The following NRP1 variants were observed in gnomAD, a reference collection of about 807,000 sequenced individuals.
NRP1 encodes neuropilin-1.
In NRP1, 35 loss-of-function variants were observed where a neutral mutation model predicts 106.7. That is an observed-to-expected ratio of 0.33 (90% CI 0.25 to 0.43). The LOEUF (loss-of-function observed/expected upper bound fraction) is 0.43, where lower values mean the gene tolerates loss of function less well. Ranked by LOEUF, NRP1 falls within the 20% of genes least tolerant of loss-of-function variation. The pLI is 1.00. For synonymous variants in NRP1, 437 were observed against 417.9 expected, an observed-to-expected ratio of 1.05 and a Z score of -0.56; for missense variants, 1,024 against 1,170.4, an observed-to-expected ratio of 0.87 and a Z score of 1.83.
intron 2 of NRP1, among the ~76,000 whole-genome samples, chr10:33,311,065 A>T (rs1174353746): frequency 6.6e-6 from 1 of 152,188 alleles, no homozygotes; most frequent in African/African-American, 2.4e-5. Flanking sequence ...GTTGATTGGG[A>T]CCTAGAATTA....
chr10:33,213,503 G>A lies in NRP1; in HGVS notation c.1497C>T (p.Ile499=), dbSNP rs371064398. 1.9e-6 allele frequency: 3 copies of A among 1,613,972 alleles called. No homozygotes were observed. The highest frequency in any genetic ancestry group is 2.2e-5 in the South Asian group (2 of 91,052). ...TCTCTCGGTGCTTCCCACCCTGAATGATGATGCCCCTCACGATCTTCTCCT... is the reference window on the plus strand; with the variant it reads ...TCTCTCGGTGCTTCCCACCCTGAATAATGATGCCCCTCACGATCTTCTCCT... ...LGEEKIVRGI[I]IQGGKHRENK... The change falls in exon 9 of 17, where the codon ATC becomes ATT. Residue 499 remains isoleucine (I), a synonymous_variant. Coordinates refer to ENST00000374867, the MANE Select transcript of NRP1 (RefSeq NM_003873.7).
chr10:33,281,395 G>C (rs974496139), intron 2 of NRP1, among the ~76,000 whole-genome samples: 12 of 151,798 alleles, frequency 7.9e-5, no homozygotes, highest in Non-Finnish European at 1.8e-4. Context: ...TTTTATCACA[G>C]TCATGCAGAG....
rs1320840221 is a variant in NRP1 at position 33,177,565 on chromosome 10, T to A, written c.*2511A>T. On this transcript the variant is annotated 3_prime_UTR_variant, in exon 17 of 17. Transcript: ENST00000374867. Reference sequence around the variant, plus strand: ...AGTAGTCATAGTTTGGAATTTAAGTTACAGTTCAGTTCTATGTGGTTTTTA... The same window carrying A: ...AGTAGTCATAGTTTGGAATTTAAGTAACAGTTCAGTTCTATGTGGTTTTTA... 6.6e-6 allele frequency: 1 copy of A among 152,660 alleles called. No individual in the cohort carries two copies. The highest frequency in any genetic ancestry group is 1.5e-5 in the Non-Finnish European group (1 of 68,030). The allele number at this position is 152,660 out of a possible 1,614,324, so 9.5% of individuals were successfully genotyped here. A position where few individuals can be genotyped will look rare whatever the true frequency, so the allele number is the denominator to read the frequency against.
intron 8 of NRP1, 159 bp from the exon 9 acceptor site, chr10:33,213,876 A>G: frequency 1.6e-6 from 1 of 633,978 alleles, no homozygotes; most frequent in Non-Finnish European, 2.6e-6. Flanking sequence ...TCCTCCCTCA[A>G]ACCTTCCTCC....
At chr10:33,299,386 A>G (rs2132689041) in intron 2 of NRP1, among the ~76,000 whole-genome samples, 1 of 152,156 alleles carries the variant, frequency 6.6e-6, no homozygotes, top group East Asian at 1.9e-4. Context: ...AATCTGTTGT[A>G]CTCCCCAGAA....
At chr10:33,332,517 T>G (rs759197173) in intron 1 of NRP1, among the ~76,000 whole-genome samples, 4 of 152,106 alleles carry the variant, frequency 2.6e-5, no homozygotes, top group Non-Finnish European at 5.9e-5. Context: ...CAGAAGACAT[T>G]TAGGTGGACT....
chr10:33,321,426 G>C (rs1193976451), intron 2 of NRP1, among the ~76,000 whole-genome samples: 2 of 152,170 alleles, frequency 1.3e-5, no homozygotes, highest in Non-Finnish European at 2.9e-5. Flanking sequence ...ATAAAACAGT[G>C]ATCTTAGTTA....
intron 5 of NRP1, among the ~76,000 whole-genome samples, chr10:33,254,860 A>C (rs1373920409): frequency 2.0e-5 from 3 of 152,228 alleles, no homozygotes; most frequent in African/African-American, 7.2e-5. Flanking sequence ...CACAACAGTG[A>C]GCATAAGAAT....
At chr10:33,255,703 C>T (rs950222358) in intron 5 of NRP1, among the ~76,000 whole-genome samples, 1 of 152,162 alleles carries the variant, frequency 6.6e-6, no homozygotes, top group Non-Finnish European at 1.5e-5. Flanking sequence ...CCTCCTGCCT[C>T]GCCCTCCCAA....
chr10:33,296,653 G>A (rs1845407642), intron 2 of NRP1, among the ~76,000 whole-genome samples: 1 of 152,180 alleles, frequency 6.6e-6, no homozygotes, highest in South Asian at 2.1e-4. Context: ...CCCCTAGATT[G>A]GTTTAGGCAA....
intron 2 of NRP1, among the ~76,000 whole-genome samples, chr10:33,292,211 G>T (rs1386466465): frequency 6.6e-6 from 1 of 152,058 alleles, no homozygotes; most frequent in Non-Finnish European, 1.5e-5. Flanking sequence ...ATTTAGTTGT[G>T]AAGTCAGAAA....
intron 1 of NRP1, among the ~76,000 whole-genome samples, chr10:33,333,851 C>A (rs1366692906): frequency 1.3e-5 from 2 of 152,172 alleles, no homozygotes; most frequent in Non-Finnish European, 1.5e-5. Flanking sequence ...TTTCATCAAC[C>A]CACAAACCGA....
chr10:33,218,083 G>A (rs1838918848), intron 8 of NRP1, among the ~76,000 whole-genome samples: 1 of 152,190 alleles, frequency 6.6e-6, no homozygotes, highest in Non-Finnish European at 1.5e-5. Flanking sequence ...AGGAGCACAT[G>A]AATATGTGTT....
At chr10:33,319,035 C>T (rs1847254907) in intron 2 of NRP1, among the ~76,000 whole-genome samples, 5 of 136,000 alleles carry the variant, frequency 3.7e-5, no homozygotes, top group Admixed American at 8.0e-5. Flanking sequence ...GACGGAGTCT[C>T]GCTCTGTCGC....
At chr10:33,334,097 A>G (rs1848462390) in intron 1 of NRP1, among the ~76,000 whole-genome samples, 1 of 152,224 alleles carries the variant, frequency 6.6e-6, no homozygotes, top group Non-Finnish European at 1.5e-5. Context: ...CAGCCCAAGG[A>G]TCAACGTCAG....
intron 2 of NRP1, among the ~76,000 whole-genome samples, chr10:33,317,639 T>A (rs536549063): frequency 7.9e-5 from 12 of 152,390 alleles, no homozygotes; most frequent in African/African-American, 2.9e-4. Context: ...ATGTATGGGT[T>A]GGCTTATGGT....
chr10:33,251,748 G>T (rs749480359), intron 6 of NRP1, among the ~76,000 whole-genome samples: 3 of 152,180 alleles, frequency 2.0e-5, no homozygotes, highest in Non-Finnish European at 4.4e-5. Flanking sequence ...TTGCGCAGAA[G>T]AATTGCTACA....
chr10:33,266,195 A>T, intron 3 of NRP1, among the ~76,000 whole-genome samples: 1 of 152,236 alleles, frequency 6.6e-6, no homozygotes, highest in Non-Finnish European at 1.5e-5. Flanking sequence ...AATTAAGGTC[A>T]TACTTTCAAA....
intron 2 of NRP1, 70 bp downstream of exon 2, chr10:33,330,638 T>A (rs116356873): frequency 1.5e-4 from 203 of 1,380,026 alleles, no homozygotes; most frequent in Middle Eastern, 1.2e-3. Context: ...ACACACCGAC[T>A]TCCCCCCCGT....
Sources: gnomAD v4.1 joint callset for allele counts (sites outside exome capture counted in the v4.1 genomes callset) on GRCh38, gnomAD v4.1.1 for gene constraint, MANE v1.5 for transcripts, NCBI Gene and HGNC (gene_info 2026-07-23, HGNC 2026-07-21) for gene names.